UNC13D: variants seen among roughly 807,000 people sequenced by gnomAD.
The protein encoded by UNC13D is protein unc-13 homolog D.
Under a neutral mutation model 151.7 loss-of-function variants are expected in UNC13D, and 115 were observed. The ratio of observed to expected loss-of-function variants is 0.76; its 90% CI spans 0.65 to 0.88. UNC13D has a LOEUF of 0.88. Ranked by LOEUF, UNC13D falls within the 40% of genes least tolerant of loss-of-function variation. The pLI, the probability that UNC13D is intolerant of heterozygous loss-of-function variation, is 0.00. For missense variants in UNC13D, 1,369 were observed against 1,438.7 expected (o/e 0.95, Z 0.78); for synonymous variants, 588 against 612.2 (o/e 0.96, Z 0.58).
chr17:75,833,262 CT>C lies in UNC13D; in HGVS notation c.2368-218del. ...CTGGCCTCCTCTACAGCCCTGGAAC[CT>C]TCCAGGCATGGTCCTGCCTCAGGGT... On this transcript the variant is annotated intron_variant, in intron 24 of 31. Coordinates refer to ENST00000207549, the MANE Select transcript of UNC13D (RefSeq NM_199242.3). This position sits in a 1 kb window ranked among gnomAD's most constrained non-coding sequence, Gnocchi z 4.0. 1 of 488,078 alleles carries C rather than the reference CT, an allele frequency of 2.0e-6. No homozygotes were observed. Among genetic ancestry groups the C allele is most frequent in the Non-Finnish European group, 3.8e-6 (1 of 261,840 alleles). 30.2% of individuals were successfully genotyped at this position (488,078 alleles called of 1,614,324 possible).
At position 75,829,356 on chromosome 17, in the gene UNC13D, C is replaced by T. The variant is rs190863578; in HGVS notation, c.2955-373G>A. Among the ~76,000 whole-genome samples the T allele has an allele frequency of 4.0e-3, 611 of 152,270 alleles. 3 individuals are homozygous for T. The highest frequency in any genetic ancestry group is 0.013 in the African/African-American group (561 of 41,562). On this transcript the variant is annotated intron_variant, in intron 30 of 31. Transcript: ENST00000207549. ...TGTCACCTAGGCTGGAGTGCAGTGG[C>T]GCCATCTTGGCTCACTACAACCTCC...
chr17:75,835,383 G>A lies in UNC13D; in HGVS notation c.1848+26C>T, dbSNP rs957442856. Reference sequence around the variant, plus strand: ...AGCCTCACCCCCAAACCGGGGCCCCGCCCCCTGCCCTGGCCACGCCCCCAC... The same window carrying A: ...AGCCTCACCCCCAAACCGGGGCCCCACCCCCTGCCCTGGCCACGCCCCCAC... On this transcript the variant is annotated intron_variant, in intron 20 of 31. Transcript: ENST00000207549. The A allele has an allele frequency of 4.2e-5, 68 of 1,606,014 alleles. No individual in the cohort carries two copies. In the Admixed American group the frequency reaches 1.0e-3, roughly 24 times the overall value.
Position 75,834,306 on chromosome 17 carries a change from G to A in UNC13D, c.2298+19C>T. ...GAAGACGGGATGGGATGGGGTGACT[G>A]TGCGGTCGGACAAGGTACCTGCTCG... On this transcript the variant is annotated intron_variant, in intron 23 of 31. Transcript: ENST00000207549. 5.7e-6 allele frequency: 9 copies of A among 1,592,632 alleles called. No homozygotes were observed. Among genetic ancestry groups the A allele is most frequent in the Non-Finnish European group, 7.6e-6 (9 of 1,177,626 alleles).
chr17:75,829,577 G>A (rs575939332), intron 30 of UNC13D: 4,369 of 180,806 alleles, frequency 0.024, 277 homozygotes, highest in African/African-American at 0.11. Context: ...ACAGGCATGA[G>A]CCACCACGCC....
At chr17:75,841,835 G>A (rs1158309566) in intron 6 of UNC13D, among the ~76,000 whole-genome samples, 4 of 148,766 alleles carry the variant, frequency 2.7e-5, no homozygotes, top group East Asian at 2.0e-4. Flanking sequence ...TGCAACCTCC[G>A]CCTCCCAGGT....
Position 75,831,354 on chromosome 17 carries a change from G to GT in UNC13D, c.2448-7_2448-6insA, listed in dbSNP as rs771513070. 4 of 1,592,626 alleles carry GT rather than the reference G, an allele frequency of 2.5e-6. No individual in the cohort carries two copies. The highest frequency in any genetic ancestry group is 1.7e-5 in the African/African-American group (1 of 60,066). On this transcript the variant is annotated splice_region_variant and splice_polypyrimidine_tract_variant and intron_variant, in intron 25 of 31. Transcript: ENST00000207549. ...TCCAGAGCAGGGTCAGGAGGCTGGG[G>GT]CGGGGCCGGAGGGATGCGGACACAG...
In UNC13D at chr17:75,840,797, C is replaced by T. The variant is rs1176146776; in HGVS notation, c.648G>A (p.Lys216=). The change falls in exon 8 of 32, where the codon AAG becomes AAA. Residue 216 remains lysine (K), a synonymous_variant. Coordinates refer to ENST00000207549, the MANE Select transcript of UNC13D (RefSeq NM_199242.3). This position sits in a 1 kb window ranked among gnomAD's most constrained non-coding sequence, Gnocchi z 4.6. The part of the protein sequence containing the change: ...DLDTVESVRQ[K]LGELTDLHGL... ...CATGCAGATCCGTGAGCTCCCCAAG[C>T]TTCTGTCGGACAGACTCCACAGTGT... is the stretch of plus-strand genomic sequence containing the variant. The T allele has an allele frequency of 1.2e-6, 2 of 1,613,964 alleles. No individual in the cohort carries two copies. The highest frequency in any genetic ancestry group is 1.3e-5 in the African/African-American group (1 of 75,048).
Position 75,834,123 on chromosome 17 carries a change from C to A in UNC13D, c.2319G>T (p.Lys773Asn), listed in dbSNP as rs149046046. The change falls in exon 24 of 32, where the codon AAG becomes AAT. Residue 773 changes from lysine to asparagine, a missense_variant. Physicochemically the swap from Lys to Asn is moderately conservative, Grantham distance 94. Transcript: ENST00000207549. ...TGACGCCCACCAGTTTCTGGATGTG[C>A]TTGGCGATGCCCACCTCCAACTGGA... ...LAEQLEVGIA[K>N]HIQKLVGVRE... 6.2e-7 allele frequency: 1 copy of A among 1,613,682 alleles called. No individual in the cohort carries two copies. The highest frequency in any genetic ancestry group is 1.3e-5 in the African/African-American group (1 of 74,940).
chr17:75,830,164 C>CGGGGAGTA lies in UNC13D; in HGVS notation c.2831-14_2831-13insTACTCCCC. The CGGGGAGTA allele has an allele frequency of 6.3e-7, 1 of 1,586,014 alleles. No individual in the cohort carries two copies. Among genetic ancestry groups the CGGGGAGTA allele is most frequent in the Non-Finnish European group, 8.6e-7 (1 of 1,166,812 alleles). On this transcript the variant is annotated splice_polypyrimidine_tract_variant and intron_variant, in intron 29 of 31. Coordinates refer to ENST00000207549, the MANE Select transcript of UNC13D (RefSeq NM_199242.3). ...GGGTCGCTGGAGCCTGGTAAGTGGC[C>CGGGGAGTA]GGGGAGTGTGCGTCAGCTGAGGGTC...
chr17:75,835,018 C>T lies in UNC13D; in HGVS notation c.1894G>A (p.Asp632Asn), dbSNP rs762778765. Residue 632 changes from aspartate to asparagine, a missense_variant, in exon 21 of 32, where the codon GAT becomes AAT. By Grantham distance (23) the Asp-to-Asn change is conservative. This residue lies in a region of UNC13D where 807 missense variants were observed against 795.5 expected (regional missense o/e 1.01). Coordinates refer to ENST00000207549, the MANE Select transcript of UNC13D (RefSeq NM_199242.3). ...ATCTGGGCAAAGCAGGTGGATAGAT[C>T]CACCGCTGATGTGCTGTGCTTGGTC... ...ELTKHSTSAV[D>N]LSTCFAQISH... 8.7e-6 allele frequency: 14 copies of T among 1,614,062 alleles called. No individual in the cohort carries two copies. The highest frequency in any genetic ancestry group is 1.2e-5 in the Non-Finnish European group (14 of 1,180,020).
rs2290770 is a variant in UNC13D at position 75,834,935 on chromosome 17, G to A, written c.1977C>T (p.Thr659=). Residue 659 remains threonine, a synonymous_variant, in exon 21 of 32, where the codon ACC becomes ACT. Coordinates refer to ENST00000207549, the MANE Select transcript of UNC13D (RefSeq NM_199242.3). ...WPDPEEAFMI[T]VKFVEDTCRL... Reference sequence around the variant, plus strand: ...GATGCCGCACCTCCACAAACTTGACGGTAATCATGAAGGCCTCCTCTGGGT... The same window carrying A: ...GATGCCGCACCTCCACAAACTTGACAGTAATCATGAAGGCCTCCTCTGGGT... 22,320 of 1,614,026 alleles carry A rather than the reference G, an allele frequency of 0.014. 2,047 individuals are homozygous for A. In the East Asian group the frequency reaches 0.28, roughly 20 times the overall value.
chr17:75,829,993 G>C (rs1352635341), intron 30 of UNC13D, 35 bp downstream of exon 30: 15 of 1,565,852 alleles, frequency 9.6e-6, no homozygotes, highest in Non-Finnish European at 1.3e-5. Flanking sequence ...GGAGAGATGA[G>C]GGGAGGGACT....
Position 75,828,949 on chromosome 17 carries a change from C to T in UNC13D, c.2989G>A (p.Ala997Thr). ...TCCAGCACGGTGAGCAGGAGGCATG[C>T]CCCAGCCTTGCGGCACGGCTCAGCA... Reference protein sequence around the residue: ...VPAEPCRKAGACLLLTVLDYD... With the variant: ...VPAEPCRKAGTCLLLTVLDYD... Residue 997 changes from alanine (A) to threonine (T), a missense_variant, in exon 31 of 32, where the codon GCA becomes ACA. Transcript: ENST00000207549. The T allele has an allele frequency of 6.2e-7, 1 of 1,605,502 alleles. No individual in the cohort carries two copies. The highest frequency in any genetic ancestry group is 8.5e-7 in the Non-Finnish European group (1 of 1,179,578).
intron 30 of UNC13D, 194 bp downstream of exon 30, chr17:75,829,834 T>C: frequency 2.5e-6 from 2 of 790,852 alleles, no homozygotes; most frequent in Admixed American, 2.7e-5. Context: ...TGCCTCGGCC[T>C]CCCAAAGTGC....
intron 3 of UNC13D, 37 bp downstream of exon 3, chr17:75,843,122 G>A: frequency 1.2e-6 from 2 of 1,608,984 alleles, no homozygotes; most frequent in Non-Finnish European, 8.5e-7. Flanking sequence ...AGACAGGGCA[G>A]CTGCAGGAAG....
Position 75,838,410 on chromosome 17 carries a change from G to A in UNC13D, c.1055+1429C>T, listed in dbSNP as rs534797815. Among the ~76,000 whole-genome samples, 3 of 152,032 alleles carry A rather than the reference G, an allele frequency of 2.0e-5. 1 individual carries two copies. The South Asian group carries it at 6.2e-4, about 32-fold the overall frequency. On this transcript the variant is annotated intron_variant, in intron 12 of 31. Transcript: ENST00000207549. Reference sequence around the variant, plus strand: ...ATTTTTCTATATTTTGTAGAGACAGGATTTCACCATGTTGGCCAGGCTGGT... The same window carrying A: ...ATTTTTCTATATTTTGTAGAGACAGAATTTCACCATGTTGGCCAGGCTGGT...
chr17:75,842,750 C>G, intron 5 of UNC13D, 107 bp downstream of exon 5: 1 of 1,591,994 alleles, frequency 6.3e-7, no homozygotes, highest in Non-Finnish European at 8.6e-7. Context: ...GCCAGCGCTA[C>G]AGGGCTTCTT....
chr17:75,842,500 C>T lies in UNC13D; in HGVS notation c.502G>A (p.Glu168Lys). The T allele has an allele frequency of 6.2e-7, 1 of 1,613,330 alleles. No homozygotes were observed. The highest frequency in any genetic ancestry group is 8.5e-7 in the Non-Finnish European group (1 of 1,179,946). ...ATGACCTGCGTGCGGTGGGTCTCCT[C>T]CTCGGGGATGGTGTGCCTCACCACA... ...KAVVRHTIPEEETHRTQVITQ... is the reference protein window; with the variant it reads ...KAVVRHTIPEKETHRTQVITQ... Residue 168 changes from glutamate (E) to lysine (K), a missense_variant, in exon 6 of 32, where the codon GAG (glutamate) becomes AAG (lysine). Around this residue, in one of 3 missense-constraint regions of UNC13D, gnomAD observed 550 missense variants for 609.0 expected, o/e 0.90. Transcript: ENST00000207549.
chr17:75,829,129 G>A (rs2062143469), intron 30 of UNC13D, 146 bp from the exon 31 acceptor site: 1 of 1,021,486 alleles, frequency 9.8e-7, no homozygotes, highest in East Asian at 2.6e-5. Flanking sequence ...GCCATGTGGT[G>A]CAATGCCTGC....
Sources: allele counts gnomAD v4.1 joint callset (sites outside exome capture counted in the v4.1 genomes callset), GRCh38; gene constraint gnomAD v4.1.1; regional missense constraint gnomAD v4.1.1; non-coding constraint Gnocchi (gnomAD v3.1); transcripts MANE v1.5; gene names NCBI Gene and HGNC (gene_info 2026-07-23, HGNC 2026-07-21).